The following MRC1 variants were observed in gnomAD, a reference collection of about 807,000 sequenced individuals.
MRC1 encodes the protein mannose receptor C-type 1.
MRC1 carries 62 observed loss-of-function variants against 102.9 expected under a neutral mutation model. The ratio of observed to expected loss-of-function variants is 0.60; its 90% confidence interval spans 0.49 to 0.74. MRC1 has a LOEUF of 0.74. Among genes scored for constraint, MRC1 ranks in the 30% least tolerant of loss-of-function variants. MRC1 has a pLI of 0.00. For synonymous variants in MRC1, 457 were observed against 298.4 expected, an observed-to-expected ratio of 1.53 and a Z score of -5.48; for missense variants, 1,237 against 862.8, an observed-to-expected ratio of 1.43 and a Z score of -5.43.
chr10:17,829,683 G>T (rs1358226798), intron 3 of MRC1, among the ~76,000 whole-genome samples: 2 of 151,572 alleles, frequency 1.3e-5, no homozygotes, highest in Non-Finnish European at 2.9e-5. Flanking sequence ...TAATAGGAAT[G>T]ATATTTTCTT....
intron 1 of MRC1, among the ~76,000 whole-genome samples, chr10:17,814,190 A>G (rs1838270782): frequency 6.6e-6 from 1 of 152,178 alleles, no homozygotes; most frequent in Non-Finnish European, 1.5e-5. Flanking sequence ...TCAGGTAGTC[A>G]GTAAAGACCA....
At chr10:17,840,654 A>G in intron 4 of MRC1, 39 bp from the exon 5 acceptor site, 1 of 778,312 alleles carries the variant, frequency 1.3e-6, no homozygotes, top group South Asian at 1.3e-5. Flanking sequence ...CTGAATGCCA[A>G]GTTCTTGTTT....
At chr10:17,879,976 T>G (rs1833491281) in intron 19 of MRC1, among the ~76,000 whole-genome samples, 155 bp downstream of exon 19, 2 of 152,216 alleles carry the variant, frequency 1.3e-5, no homozygotes, top group Admixed American at 1.3e-4. Flanking sequence ...CAGTTCAACT[T>G]GTAACGAGAA....
At chr10:17,897,307 G>T (rs1389308741) in intron 23 of MRC1, among the ~76,000 whole-genome samples, 1 of 152,106 alleles carries the variant, frequency 6.6e-6, no homozygotes, top group Admixed American at 6.5e-5. Flanking sequence ...GAGTACAGGG[G>T]GCACAATGCA....
intron 25 of MRC1, 59 bp from the exon 26 acceptor site, chr10:17,901,914 T>A: frequency 3.8e-6 from 3 of 780,832 alleles, no homozygotes; most frequent in Non-Finnish European, 7.2e-6. Flanking sequence ...TAATGTATGA[T>A]GCTACACACT....
intron 26 of MRC1, 71 bp from the exon 27 acceptor site, chr10:17,906,815 G>A (rs1833902195): frequency 5.1e-6 from 4 of 780,082 alleles, no homozygotes; most frequent in Non-Finnish European, 2.4e-6. Context: ...CTCAATAGCA[G>A]TGCTGTTTAC....
At chr10:17,820,333 A>T (rs992138787) in intron 1 of MRC1, among the ~76,000 whole-genome samples, 84 of 152,224 alleles carry the variant, frequency 5.5e-4, no homozygotes, top group African/African-American at 2.0e-3. Flanking sequence ...TAGCTTATAG[A>T]TCTCGGGGGA....
intron 11 of MRC1, 149 bp downstream of exon 11, chr10:17,863,831 T>C: frequency 3.1e-6 from 2 of 644,362 alleles, no homozygotes; most frequent in South Asian, 4.0e-5. Context: ...TTTCGTTTTT[T>C]CTTTTCTTCC....
At chr10:17,825,550 G>A (rs916850755) in intron 2 of MRC1, among the ~76,000 whole-genome samples, 1 of 152,124 alleles carries the variant, frequency 6.6e-6, no homozygotes, top group Non-Finnish European at 1.5e-5. Flanking sequence ...AGACCAGTTT[G>A]GGCAACCTAG....
Position 17,827,493 on chromosome 10 carries a change from T to C in MRC1, c.464-49T>C, listed in dbSNP as rs535201285. The C allele has an allele frequency of 8.1e-5, 60 of 738,296 alleles. No individual in the cohort carries two copies. The Admixed American group carries it at 9.6e-4, about 12-fold the overall frequency. The allele number at this position is 738,296 out of a possible 1,614,324, so 45.7% of individuals were successfully genotyped here. ...TAGGCTTCTTATTGGAAAGTTAATG[T>C]TCAGAAATATCACTCACATTCCAAG... is the stretch of plus-strand genomic sequence containing the variant. On this transcript the variant is annotated intron_variant, in intron 2 of 29. Coordinates refer to ENST00000569591, the MANE Select transcript of MRC1 (RefSeq NM_002438.4).
At chr10:17,879,918 C>A (rs1833490497) in intron 19 of MRC1, 97 bp downstream of exon 19, 3 of 776,548 alleles carry the variant, frequency 3.9e-6, no homozygotes, top group Admixed American at 1.7e-5. Flanking sequence ...TTACATCAGA[C>A]AAGATAAGAA....
intron 18 of MRC1, 152 bp from the exon 19 acceptor site, chr10:17,879,569 G>A (rs1000047075): frequency 2.7e-6 from 2 of 754,528 alleles, no homozygotes; most frequent in Non-Finnish European, 4.9e-6. Context: ...CCCCATGTTG[G>A]TCAGGCTAGA....
At chr10:17,850,806 G>T (rs1838903208) in intron 7 of MRC1, among the ~76,000 whole-genome samples, 1 of 152,038 alleles carries the variant, frequency 6.6e-6, no homozygotes. Context: ...AAATAGATGA[G>T]AAACAAATAG....
intron 3 of MRC1, among the ~76,000 whole-genome samples, chr10:17,830,441 A>C (rs1838553068): frequency 6.6e-6 from 1 of 151,374 alleles, no homozygotes; most frequent in Non-Finnish European, 1.5e-5. Flanking sequence ...CGAGCATTTT[A>C]TTTTATATCA....
At chr10:17,881,834 GTTTTTTTTTTTTTT>G (rs1159143035) in intron 21 of MRC1, among the ~76,000 whole-genome samples, 21 of 61,880 alleles carry the variant, frequency 3.4e-4, no homozygotes, top group East Asian at 9.8e-4. Flanking sequence ...ATTTTTTAAA[GTTTTTTTTTTTTTT>G]TTTTTTTTTT....
intron 4 of MRC1, among the ~76,000 whole-genome samples, chr10:17,835,488 A>G (rs1589169989): frequency 1.3e-5 from 2 of 152,194 alleles, no homozygotes; most frequent in Admixed American, 6.5e-5. Flanking sequence ...ATGAATAGGT[A>G]CCAATTATAA....
chr10:17,848,972 AG>A (rs1434866012), intron 6 of MRC1, among the ~76,000 whole-genome samples: 2 of 152,168 alleles, frequency 1.3e-5, no homozygotes, highest in East Asian at 3.8e-4. Flanking sequence ...TAATGTCCAT[AG>A]AATAAAGTAA....
chr10:17,878,142 A>T (rs1376032216), intron 18 of MRC1, among the ~76,000 whole-genome samples, 175 bp downstream of exon 18: 1 of 152,226 alleles, frequency 6.6e-6, no homozygotes, highest in Non-Finnish European at 1.5e-5. Flanking sequence ...TATTTTCAGC[A>T]CTATAAATTC....
At chr10:17,813,699 TA>T (rs1485467591) in intron 1 of MRC1, among the ~76,000 whole-genome samples, 7,633 of 97,858 alleles carry the variant, frequency 0.078, 208 homozygotes, top group African/African-American at 0.1. Flanking sequence ...TATATATATA[TA>T]TTTTTTTTTT....
Sources: gnomAD v4.1 joint callset for allele counts (sites outside exome capture counted in the v4.1 genomes callset) on GRCh38, gnomAD v4.1.1 for gene constraint, MANE v1.5 for transcripts, NCBI Gene and HGNC (gene_info 2026-07-23, HGNC 2026-07-21) for gene names.